Variants in PPP2R2B observed in about 807,000 individuals in gnomAD.
PPP2R2B encodes the protein serine/threonine-protein phosphatase 2A 55 kDa regulatory subunit B beta isoform.
In PPP2R2B, 5 loss-of-function variants were observed where a neutral mutation model predicts 46.0. That is an observed-to-expected ratio of 0.11 (90% CI 0.06 to 0.23). The LOEUF (loss-of-function observed/expected upper bound fraction) is 0.23. PPP2R2B is among the 10% of genes least tolerant of loss of function. The pLI is 1.00. For missense variants in PPP2R2B, 367 were observed against 575.0 expected (o/e 0.64, Z 3.70); for synonymous variants, 215 against 206.7 (o/e 1.04, Z -0.34).
At chr5:146,811,727 ATTTTTTT>A (rs1163716544) in intron 2 of PPP2R2B, among the ~76,000 whole-genome samples, 3 of 121,250 alleles carry the variant, frequency 2.5e-5, no homozygotes, top group Non-Finnish European at 3.5e-5. Flanking sequence ...CGCCCGGCTA[ATTTTTTT>A]TTTTTTTTTT....
intron 2 of PPP2R2B, among the ~76,000 whole-genome samples, chr5:146,746,500 C>A (rs915887822): frequency 1.3e-5 from 2 of 152,162 alleles, no homozygotes; most frequent in African/African-American, 4.8e-5. Context: ...GAGAAAGGAA[C>A]AGGAGGATGA....
chr5:146,937,522 G>A (rs1313378356), intron 1 of PPP2R2B, among the ~76,000 whole-genome samples: 1 of 152,042 alleles, frequency 6.6e-6, no homozygotes, highest in South Asian at 2.1e-4. Context: ...AGAGAGGAGG[G>A]GCTTTTGACA....
At chr5:147,078,368 C>A (rs181120431) in intron 2 of PPP2R2B, among the ~76,000 whole-genome samples, 18 of 152,216 alleles carry the variant, frequency 1.2e-4, no homozygotes, top group Admixed American at 5.9e-4. Context: ...TGATGGGAAG[C>A]CAGTCACAAC....
At chr5:146,993,151 C>G (rs1327169046) in intron 1 of PPP2R2B, among the ~76,000 whole-genome samples, 12 of 152,100 alleles carry the variant, frequency 7.9e-5, no homozygotes, top group Non-Finnish European at 4.4e-5. Context: ...CCATGTTGGC[C>G]AGGCTGGTCT....
intron 1 of PPP2R2B, among the ~76,000 whole-genome samples, chr5:147,001,015 G>C (rs996266430): frequency 6.6e-6 from 1 of 152,134 alleles, no homozygotes; most frequent in African/African-American, 2.4e-5. Context: ...AGCTGGCTGG[G>C]CTTCTGGGTC....
chr5:146,886,566 C>T (rs1762334854), intron 1 of PPP2R2B, among the ~76,000 whole-genome samples: 2 of 151,770 alleles, frequency 1.3e-5, no homozygotes, highest in African/African-American at 2.4e-5. Context: ...ATGGAGTATG[C>T]TATATCCTTA....
At position 146,888,213 on chromosome 5, in the gene PPP2R2B, A is replaced by G. The variant is rs888527739; in HGVS notation, c.79+167452T>C. Among the ~76,000 whole-genome samples the G allele has an allele frequency of 3.3e-5, 5 of 152,122 alleles. 1 individual carries two copies. Among genetic ancestry groups the G allele is most frequent in the South Asian group, 2.1e-4 (1 of 4,814 alleles). Reference sequence around the variant, plus strand: ...AACAAAACCCTAAATCTGAACTTTGAGCATAAACCTCTCCCCAGACCTCCA... The same window carrying G: ...AACAAAACCCTAAATCTGAACTTTGGGCATAAACCTCTCCCCAGACCTCCA... On this transcript the variant is annotated intron_variant, in intron 1 of 8. Coordinates refer to the PPP2R2B transcript ENST00000336640.
At chr5:146,954,818 T>C (rs1751811143) in intron 1 of PPP2R2B, among the ~76,000 whole-genome samples, 1 of 151,212 alleles carries the variant, frequency 6.6e-6, no homozygotes, top group Non-Finnish European at 1.5e-5. Flanking sequence ...GCAATGATAC[T>C]ACTGAGTGTT....
chr5:147,044,994 A>G (rs930897289), intron 1 of PPP2R2B, among the ~76,000 whole-genome samples: 1 of 152,182 alleles, frequency 6.6e-6, no homozygotes, highest in Non-Finnish European at 1.5e-5. Flanking sequence ...ACAGAACAGA[A>G]TGTGTTTCTG....
intron 1 of PPP2R2B, chr5:146,917,899 C>A (rs1377271708): frequency 6.6e-6 from 1 of 152,166 alleles, no homozygotes; most frequent in Non-Finnish European, 1.5e-5. Flanking sequence ...GCCAAGCAAT[C>A]TGACATCTCC....
At chr5:146,870,880 C>T (rs944926002) in intron 2 of PPP2R2B, among the ~76,000 whole-genome samples, 2 of 152,182 alleles carry the variant, frequency 1.3e-5, no homozygotes, top group African/African-American at 2.4e-5. Flanking sequence ...CAAGCACACA[C>T]CCTTTCTCAT....
intron 2 of PPP2R2B, among the ~76,000 whole-genome samples, chr5:146,758,673 G>A (rs1052895487): frequency 3.3e-5 from 5 of 152,074 alleles, no homozygotes; most frequent in African/African-American, 1.2e-4. Flanking sequence ...CCTAGTAGGA[G>A]CTTAATACCT....
chr5:146,660,239 A>G lies in PPP2R2B; in HGVS notation c.448-9515T>C, dbSNP rs181101418. On this transcript the variant is annotated intron_variant, in intron 5 of 9. Coordinates refer to ENST00000394411, the MANE Select transcript of PPP2R2B (RefSeq NM_181675.4). ...GAGTATGTACAATGACTGTCAAATA[A>G]AATAAACCACTAACAAATTAAATTA... 4.5e-3 allele frequency among the ~76,000 whole-genome samples: 688 copies of G among 152,358 alleles called. 6 individuals carry two copies. Among genetic ancestry groups the G allele is most frequent in the African/African-American group, 0.016 (662 of 41,590 alleles).
chr5:146,770,197 T>C (rs1302618914), intron 2 of PPP2R2B, among the ~76,000 whole-genome samples: 1 of 151,636 alleles, frequency 6.6e-6, no homozygotes, highest in East Asian at 1.9e-4. Flanking sequence ...GACTTGGTAG[T>C]GCACACCTGT....
chr5:147,022,753 T>C (rs1755341105), intron 1 of PPP2R2B, among the ~76,000 whole-genome samples: 1 of 151,980 alleles, frequency 6.6e-6, no homozygotes, highest in African/African-American at 2.4e-5. Flanking sequence ...CATTAAGAAT[T>C]ACCATTGACG....
chr5:146,880,948 C>T (rs1160472260), upstream of PPP2R2B, among the ~76,000 whole-genome samples: 2 of 152,020 alleles, frequency 1.3e-5, no homozygotes, highest in African/African-American at 4.8e-5. Flanking sequence ...AGAACTAGCT[C>T]ATCCACCCAA....
intron 6 of PPP2R2B, among the ~76,000 whole-genome samples, chr5:146,646,156 T>G (rs1775566608): frequency 6.6e-6 from 1 of 152,194 alleles, no homozygotes; most frequent in South Asian, 2.1e-4. Flanking sequence ...GGCAAATTTG[T>G]TTTTTCCCAT....
At chr5:146,596,399 A>G (rs1771173891) in intron 8 of PPP2R2B, among the ~76,000 whole-genome samples, 1 of 144,526 alleles carries the variant, frequency 6.9e-6, no homozygotes, top group Non-Finnish European at 1.5e-5. Context: ...TTCCCACTGG[A>G]CCTCACAACC....
At position 146,589,193 on chromosome 5, in the gene PPP2R2B, T is replaced by G. The variant is rs1321139224; in HGVS notation, c.*754A>C. On this transcript the variant is annotated 3_prime_UTR_variant, in exon 10 of 10. Transcript: ENST00000394411. ...AAAGCAAGAGTAACAAGGCAGCAGA[T>G]GGAATTTGGCCCCGCCTGGCCCTGC... 2 of 152,338 alleles carry G rather than the reference T, an allele frequency of 1.3e-5. No individual in the cohort carries two copies. Among genetic ancestry groups the G allele is most frequent in the African/African-American group, 4.8e-5 (2 of 41,460 alleles). 9.4% of individuals were successfully genotyped at this position (152,338 alleles called of 1,614,324 possible). A position where few individuals can be genotyped will look rare whatever the true frequency, so the allele number is the denominator to read the frequency against.
Sources: allele counts gnomAD v4.1 joint callset (sites outside exome capture counted in the v4.1 genomes callset), GRCh38; gene constraint gnomAD v4.1.1; transcripts MANE v1.5; gene names NCBI Gene and HGNC (gene_info 2026-07-23, HGNC 2026-07-21).